Variants in ABTB3 observed in about 807,000 individuals in gnomAD.
The protein encoded by ABTB3 is ankyrin repeat and BTB domain containing 3.
chr12:107,575,043 C>T, the ABTB3 span, among the ~76,000 whole-genome samples: 41 of 152,254 alleles, frequency 2.7e-4, no homozygotes, highest in East Asian at 6.0e-3. Flanking sequence ...AAACCAGCAC[C>T]GAATATGGTC....
the ABTB3 span, among the ~76,000 whole-genome samples, chr12:107,604,665 G>A: frequency 2.0e-5 from 3 of 152,074 alleles, no homozygotes; most frequent in Non-Finnish European, 4.4e-5. Context: ...CACTGCTGGT[G>A]GGAATGTAAA....
At chr12:107,528,505 G>T in the ABTB3 span, among the ~76,000 whole-genome samples, 6 of 152,182 alleles carry the variant, frequency 3.9e-5, no homozygotes, top group South Asian at 1.2e-3. Flanking sequence ...GTTATTAGTG[G>T]ATTGATTCTC....
the ABTB3 span, among the ~76,000 whole-genome samples, chr12:107,420,780 A>G: frequency 6.6e-6 from 1 of 152,194 alleles, no homozygotes; most frequent in Non-Finnish European, 1.5e-5. Context: ...TCTCACCTTC[A>G]GAAGCTTTTC....
At chr12:107,321,754 T>C in the ABTB3 span, among the ~76,000 whole-genome samples, 2 of 152,174 alleles carry the variant, frequency 1.3e-5, no homozygotes, top group African/African-American at 2.4e-5. Flanking sequence ...TGCTCTTTGT[T>C]TGAAACCCTA....
the ABTB3 span, among the ~76,000 whole-genome samples, chr12:107,491,626 C>T: frequency 1.2e-4 from 18 of 152,218 alleles, no homozygotes; most frequent in African/African-American, 4.1e-4. Context: ...AGTTTGAGAC[C>T]AGCCTGGCCA....
chr12:107,383,289 C>T, the ABTB3 span, among the ~76,000 whole-genome samples: 4 of 152,214 alleles, frequency 2.6e-5, no homozygotes, highest in African/African-American at 9.6e-5. Flanking sequence ...GTGCCTTCCA[C>T]CCACAGCCCT....
the ABTB3 span, among the ~76,000 whole-genome samples, chr12:107,624,113 G>A: frequency 6.6e-6 from 1 of 151,966 alleles, no homozygotes; most frequent in South Asian, 2.1e-4. Flanking sequence ...CTGGGCCAGG[G>A]AAAGTTTGGC....
chr12:107,448,125 GA>G, the ABTB3 span, among the ~76,000 whole-genome samples: 21 of 152,164 alleles, frequency 1.4e-4, no homozygotes, highest in African/African-American at 4.8e-4. Context: ...ATGGAAGCGG[GA>G]ATTAGACTGA....
chr12:107,469,337 G>A, the ABTB3 span, among the ~76,000 whole-genome samples: 2 of 152,214 alleles, frequency 1.3e-5, no homozygotes, highest in South Asian at 2.1e-4. Context: ...CAATAGAGGC[G>A]TGAATGCAGA....
the ABTB3 span, among the ~76,000 whole-genome samples, chr12:107,510,908 C>A: frequency 6.6e-6 from 1 of 151,918 alleles, no homozygotes; most frequent in Non-Finnish European, 1.5e-5. Flanking sequence ...GACAATAGAG[C>A]CAAATACTGT....
the ABTB3 span, among the ~76,000 whole-genome samples, chr12:107,452,612 G>A: frequency 6.6e-6 from 1 of 152,090 alleles, no homozygotes; most frequent in East Asian, 1.9e-4. Context: ...GGCCAAGGGG[G>A]GTGGATCACC....
the ABTB3 span, among the ~76,000 whole-genome samples, chr12:107,322,670 A>G: frequency 3.5e-5 from 4 of 114,432 alleles, no homozygotes; most frequent in East Asian, 1.1e-3. Context: ...AACAGCTAAC[A>G]TGTATCCAGC....
At chr12:107,389,860 G>T in the ABTB3 span, among the ~76,000 whole-genome samples, 1 of 151,088 alleles carries the variant, frequency 6.6e-6, no homozygotes, top group Admixed American at 6.6e-5. Context: ...GTGTGTGTGT[G>T]TGTGTGTGTG....
At chr12:107,538,839 A>G in the ABTB3 span, among the ~76,000 whole-genome samples, 1 of 151,628 alleles carries the variant, frequency 6.6e-6, no homozygotes, top group Admixed American at 6.6e-5. Context: ...AGTGGGCCCC[A>G]CTCTGGAGTC....
the ABTB3 span, among the ~76,000 whole-genome samples, chr12:107,549,773 C>T: frequency 6.6e-6 from 1 of 152,224 alleles, no homozygotes; most frequent in Non-Finnish European, 1.5e-5. Flanking sequence ...TGACAAATTA[C>T]ATCTGGCCTG....
chr12:107,477,279 C>T, the ABTB3 span, among the ~76,000 whole-genome samples: 18 of 152,192 alleles, frequency 1.2e-4, no homozygotes, highest in African/African-American at 3.9e-4. Context: ...GTTCAATGGG[C>T]GGGTCAAGAG....
the ABTB3 span, among the ~76,000 whole-genome samples, chr12:107,600,414 T>C: frequency 6.6e-6 from 1 of 152,234 alleles, no homozygotes; most frequent in Non-Finnish European, 1.5e-5. Context: ...TGATATTAAC[T>C]ATAGTGTGTT....
At chr12:107,360,686 C>T in the ABTB3 span, among the ~76,000 whole-genome samples, 1 of 152,188 alleles carries the variant, frequency 6.6e-6, no homozygotes, top group Non-Finnish European at 1.5e-5. Context: ...GAGCCAGGCC[C>T]ATTGGAAGGC....
the ABTB3 span, among the ~76,000 whole-genome samples, chr12:107,357,504 AG>A: frequency 6.6e-6 from 1 of 152,186 alleles, no homozygotes; most frequent in African/African-American, 2.4e-5. Context: ...TCAGCTACTC[AG>A]GAGGCTGGGG....
Sources: gnomAD v4.1 joint callset for allele counts (sites outside exome capture counted in the v4.1 genomes callset) on GRCh38, gnomAD v4.1.1 for gene constraint, MANE v1.5 for transcripts, NCBI Gene and HGNC (gene_info 2026-07-23, HGNC 2026-07-21) for gene names.